The following DRC1 variants were observed in gnomAD, a reference collection of about 807,000 sequenced individuals.
DRC1 encodes the protein dynein regulatory complex protein 1.
In DRC1, 74 loss-of-function variants were observed where a neutral mutation model predicts 98.7. That is an observed-to-expected ratio of 0.75 (90% confidence interval 0.62 to 0.91). The LOEUF (loss-of-function observed/expected upper bound fraction) is 0.91, where lower values mean the gene tolerates loss of function less well. Among genes scored for constraint, DRC1 ranks in the 40% least tolerant of loss-of-function variants. DRC1 has a pLI of 0.00. For synonymous variants in DRC1, 336 were observed against 334.1 expected (o/e 1.01, Z -0.06); for missense variants, 875 against 886.0 (o/e 0.99, Z 0.16).
chr2:26,446,273 T>A (rs1663850663), intron 10 of DRC1, among the ~76,000 whole-genome samples: 1 of 151,908 alleles, frequency 6.6e-6, no homozygotes, highest in Non-Finnish European at 1.5e-5. Context: ...ATTTTTGTAT[T>A]TTTTTGTAGA....
At chr2:26,415,591 T>C (rs1189918733) in intron 2 of DRC1, among the ~76,000 whole-genome samples, 1 of 152,046 alleles carries the variant, frequency 6.6e-6, no homozygotes. Flanking sequence ...TACTGCAGAG[T>C]AGATGATTCA....
chr2:26,448,340 T>G, intron 10 of DRC1: 1 of 500,494 alleles, frequency 2.0e-6, no homozygotes, highest in Non-Finnish European at 4.0e-6. Context: ...ACTTGCTAGA[T>G]CATCTCTGAA....
chr2:26,418,299 G>GTA (rs754066632), intron 2 of DRC1, among the ~76,000 whole-genome samples: 119 of 151,562 alleles, frequency 7.9e-4, no homozygotes, highest in Admixed American at 2.6e-3. Flanking sequence ...TGGCCACAGG[G>GTA]TATAGATGGA....
intron 1 of DRC1, among the ~76,000 whole-genome samples, chr2:26,406,881 G>A (rs1678447085): frequency 7.1e-6 from 1 of 140,486 alleles, no homozygotes. Flanking sequence ...GCAGTGGTGT[G>A]ACCTTGGCTC....
At chr2:26,405,342 A>G (rs746432141) in intron 1 of DRC1, among the ~76,000 whole-genome samples, 71 of 152,296 alleles carry the variant, frequency 4.7e-4, no homozygotes, top group Admixed American at 2.0e-4. Context: ...TGGGGATTCT[A>G]TGATAAACAA....
intron 13 of DRC1, among the ~76,000 whole-genome samples, chr2:26,451,547 C>T (rs1323186727): frequency 6.6e-6 from 1 of 152,126 alleles, no homozygotes; most frequent in Non-Finnish European, 1.5e-5. Context: ...CACAGTGGCT[C>T]ATGCCTATAG....
intron 1 of DRC1, among the ~76,000 whole-genome samples, chr2:26,408,334 G>C (rs1301282672): frequency 6.6e-6 from 1 of 152,168 alleles, no homozygotes; most frequent in Non-Finnish European, 1.5e-5. Flanking sequence ...GGGATTCAGG[G>C]AAAATATGCA....
At chr2:26,453,974 T>G (rs757131126) in intron 14 of DRC1, among the ~76,000 whole-genome samples, 2 of 152,110 alleles carry the variant, frequency 1.3e-5, no homozygotes, top group African/African-American at 2.4e-5. Context: ...GTAAGGGCAT[T>G]TCAGGAAATG....
intron 2 of DRC1, among the ~76,000 whole-genome samples, chr2:26,414,729 C>T (rs942933109): frequency 3.3e-5 from 5 of 152,236 alleles, no homozygotes; most frequent in Non-Finnish European, 5.9e-5. Flanking sequence ...CCCATCTTCA[C>T]TTTCCAAACA....
rs376804115 is a variant in DRC1, at chr2:26,449,978, C to A, written c.1510-18C>A. ...GAAACCTGTCCCCGACAGGAGATGCCTTCTTCCTTCTCCCCAGGGGTTCCT... is the reference window on the plus strand; with the variant it reads ...GAAACCTGTCCCCGACAGGAGATGCATTCTTCCTTCTCCCCAGGGGTTCCT... On this transcript the variant is annotated intron_variant, in intron 11 of 16. Coordinates refer to ENST00000288710, the MANE Select transcript of DRC1 (RefSeq NM_145038.5). 8.1e-6 allele frequency: 13 copies of A among 1,612,244 alleles called. No homozygotes were observed. The highest frequency in any genetic ancestry group is 1.1e-5 in the Non-Finnish European group (13 of 1,179,016).
intron 7 of DRC1, among the ~76,000 whole-genome samples, chr2:26,434,956 G>T (rs946248191): frequency 1.3e-5 from 2 of 152,166 alleles, no homozygotes; most frequent in Non-Finnish European, 2.9e-5. Context: ...GGGCAGAAAG[G>T]GGGAGCAACA....
intron 8 of DRC1, 42 bp from the exon 9 acceptor site, chr2:26,444,180 C>G (rs1050722572): frequency 5.0e-6 from 8 of 1,612,820 alleles, no homozygotes; most frequent in Non-Finnish European, 6.8e-6. Flanking sequence ...TACATAATAC[C>G]TTCTATTCAG....
At chr2:26,440,919 A>G (rs964808484) in intron 8 of DRC1, among the ~76,000 whole-genome samples, 2 of 152,218 alleles carry the variant, frequency 1.3e-5, no homozygotes, top group African/African-American at 4.8e-5. Flanking sequence ...TAAGCTGCTT[A>G]CTACCCACTG....
At chr2:26,423,531 C>A (rs574149900) in intron 3 of DRC1, among the ~76,000 whole-genome samples, 52 of 152,264 alleles carry the variant, frequency 3.4e-4, no homozygotes, top group African/African-American at 1.2e-3. Context: ...CTCGCCCCAG[C>A]CTCGGTGTGC....
chr2:26,421,203 G>C, intron 2 of DRC1, 85 bp from the exon 3 acceptor site: 4 of 1,225,786 alleles, frequency 3.3e-6, no homozygotes, highest in Non-Finnish European at 4.6e-6. Context: ...TAGAAGCTGC[G>C]GACAGTTGTG....
In DRC1 at chr2:26,445,745, G is replaced by A. The variant is rs180723837; in HGVS notation, c.1396+797G>A. Among the ~76,000 whole-genome samples, 489 of 152,120 alleles carry A rather than the reference G, an allele frequency of 3.2e-3. 1 individual carries two copies. Among genetic ancestry groups the A allele is most frequent in the African/African-American group, 0.011 (473 of 41,504 alleles). ...GCGATCTGGGCTCACTGCAACCTCC[G>A]CCTCCCGGGTTCAAGCAATTCCCCT... On this transcript the variant is annotated intron_variant, in intron 10 of 16. Coordinates refer to ENST00000288710, the MANE Select transcript of DRC1 (RefSeq NM_145038.5).
At chr2:26,410,741 C>T (rs958439525) in intron 1 of DRC1, among the ~76,000 whole-genome samples, 2 of 151,980 alleles carry the variant, frequency 1.3e-5, no homozygotes, top group Non-Finnish European at 2.9e-5. Context: ...ATAGACCCAC[C>T]CTAAGGCACA....
At chr2:26,431,068 C>A (rs1663424615) in intron 6 of DRC1, among the ~76,000 whole-genome samples, 196 bp downstream of exon 6, 1 of 140,652 alleles carries the variant, frequency 7.1e-6, no homozygotes, top group Non-Finnish European at 1.5e-5. Flanking sequence ...TCAAGTGATT[C>A]TCCTGCCTCA....
At chr2:26,444,626 C>G in intron 9 of DRC1, 90 bp from the exon 10 acceptor site, 1 of 1,282,484 alleles carries the variant, frequency 7.8e-7, no homozygotes, top group South Asian at 1.4e-5. Context: ...TAGCACAGCT[C>G]CTTTTCATAT....
Sources: gnomAD v4.1 joint callset for allele counts (sites outside exome capture counted in the v4.1 genomes callset) on GRCh38, gnomAD v4.1.1 for gene constraint, MANE v1.5 for transcripts, NCBI Gene and HGNC (gene_info 2026-07-23, HGNC 2026-07-21) for gene names.